CERS6: variants seen among roughly 807,000 people sequenced by gnomAD.
CERS6 encodes ceramide synthase 6.
In CERS6, 26 loss-of-function variants were observed where a neutral mutation model predicts 56.8. That is an observed-to-expected ratio of 0.46 (90% CI 0.34 to 0.63). The LOEUF is 0.63. CERS6 is among the 30% of genes least tolerant of loss of function. The probability of loss-of-function intolerance (pLI) is 0.01; values close to 1 mark genes in which losing one functional copy is unlikely to be tolerated. For synonymous variants in CERS6, 164 were observed against 173.3 expected (o/e 0.95, Z 0.42); for missense variants, 415 against 467.5 (o/e 0.89, Z 1.04).
intron 3 of CERS6, among the ~76,000 whole-genome samples, chr2:168,587,889 G>T (rs954556468): frequency 6.6e-6 from 1 of 151,706 alleles, no homozygotes; most frequent in Non-Finnish European, 1.5e-5. Flanking sequence ...AATTTATTGC[G>T]CTCCTGCTCT....
intron 3 of CERS6, among the ~76,000 whole-genome samples, chr2:168,599,921 A>G (rs978066130): frequency 1.7e-4 from 26 of 152,224 alleles, no homozygotes; most frequent in Non-Finnish European, 3.2e-4. Context: ...ATGGCCTTTG[A>G]TGTCAGAATC....
intron 3 of CERS6, among the ~76,000 whole-genome samples, chr2:168,587,447 G>T (rs546637682): frequency 7.9e-5 from 12 of 152,198 alleles, no homozygotes; most frequent in Non-Finnish European, 1.8e-4. Context: ...TCAGGAGCCA[G>T]AGATGGAGTT....
At chr2:168,610,140 G>A (rs918681295) in intron 3 of CERS6, among the ~76,000 whole-genome samples, 2 of 151,960 alleles carry the variant, frequency 1.3e-5, no homozygotes, top group Non-Finnish European at 2.9e-5. Context: ...ACCACGCCTG[G>A]TTAATTTTTT....
intron 1 of CERS6, among the ~76,000 whole-genome samples, chr2:168,535,344 C>G (rs1347672160): frequency 6.6e-6 from 1 of 152,206 alleles, no homozygotes; most frequent in Non-Finnish European, 1.5e-5. Flanking sequence ...AATGCGTTCA[C>G]GAGTGGGATC....
intron 2 of CERS6, among the ~76,000 whole-genome samples, chr2:168,552,685 G>A (rs1009385547): frequency 6.6e-6 from 1 of 152,126 alleles, no homozygotes; most frequent in Admixed American, 6.5e-5. Context: ...CAAGAGTGGA[G>A]GAGGGACACA....
At chr2:168,489,488 T>C (rs922618845) in intron 1 of CERS6, among the ~76,000 whole-genome samples, 7 of 149,334 alleles carry the variant, frequency 4.7e-5, no homozygotes, top group Non-Finnish European at 8.9e-5. Context: ...TTTTTTTTTT[T>C]CTGGAAAACC....
chr2:168,721,040 A>G (rs1023140738), intron 8 of CERS6, among the ~76,000 whole-genome samples: 5 of 152,324 alleles, frequency 3.3e-5, no homozygotes, highest in African/African-American at 7.2e-5. Context: ...TCATAGCGCA[A>G]TGCATTCATT....
At chr2:168,667,409 C>T (rs1685790309) in intron 4 of CERS6, among the ~76,000 whole-genome samples, 1 of 152,180 alleles carries the variant, frequency 6.6e-6, no homozygotes, top group Admixed American at 6.5e-5. Context: ...GCCTCTTGAG[C>T]CTTCTTCCAT....
At chr2:168,522,290 A>G (rs1465526485) in intron 1 of CERS6, among the ~76,000 whole-genome samples, 1 of 152,206 alleles carries the variant, frequency 6.6e-6, no homozygotes, top group Non-Finnish European at 1.5e-5. Flanking sequence ...GCAGGTTTTT[A>G]TGTGGTTTCT....
At chr2:168,588,349 A>G (rs1180877345) in intron 3 of CERS6, among the ~76,000 whole-genome samples, 3 of 152,006 alleles carry the variant, frequency 2.0e-5, no homozygotes, top group African/African-American at 4.8e-5. Flanking sequence ...ACCACCATCC[A>G]TCTCTAGAAC....
Position 168,593,526 on chromosome 2 carries a change from G to GTGTTTTGTTT in CERS6, c.407+32225_407+32234dup, listed in dbSNP as rs148109520. Among the ~76,000 whole-genome samples, 528 of 151,718 alleles carry GTGTTTTGTTT rather than the reference G, an allele frequency of 3.5e-3. 5 individuals are homozygous for GTGTTTTGTTT. Among genetic ancestry groups the GTGTTTTGTTT allele is most frequent in the African/African-American group, 0.012 (505 of 41,190 alleles). ...CTCTTTCCAACTTTTGAGTTTCTGTGTGTTTTGTTTTGTTTTGTTTTGTTT... is the reference window on the plus strand; with the variant it reads ...CTCTTTCCAACTTTTGAGTTTCTGTGTGTTTTGTTTTGTTTTGTTTTGTTTTGTTTTGTTT... On this transcript the variant is annotated intron_variant, in intron 3 of 9. Coordinates refer to ENST00000305747, the MANE Select transcript of CERS6 (RefSeq NM_203463.3).
chr2:168,558,173 T>C (rs1238491796), intron 2 of CERS6, among the ~76,000 whole-genome samples: 12 of 152,194 alleles, frequency 7.9e-5, no homozygotes, highest in Admixed American at 7.9e-4. Context: ...TGAGTATAAA[T>C]TGGTAAAATC....
chr2:168,475,371 G>T (rs751326969), intron 1 of CERS6, among the ~76,000 whole-genome samples: 27 of 152,016 alleles, frequency 1.8e-4, no homozygotes, highest in Non-Finnish European at 3.1e-4. Flanking sequence ...TCTTTAAAAA[G>T]CCATCCTAGA....
chr2:168,618,587 C>T (rs566468035), intron 3 of CERS6, among the ~76,000 whole-genome samples: 4 of 152,210 alleles, frequency 2.6e-5, no homozygotes, highest in South Asian at 2.1e-4. Flanking sequence ...ACACCAACAG[C>T]GACCAAGTGG....
intron 8 of CERS6, among the ~76,000 whole-genome samples, chr2:168,720,905 C>T (rs1687348079): frequency 6.6e-6 from 1 of 152,128 alleles, no homozygotes; most frequent in African/African-American, 2.4e-5. Context: ...TCACCATAAG[C>T]AAATTGTAGC....
rs1684885003 is a variant in CERS6 at position 168,772,327 on chromosome 2, T to C, written c.*2665T>C. The C allele has an allele frequency of 6.6e-6, 1 of 152,630 alleles. No homozygotes were observed. Among genetic ancestry groups the C allele is most frequent in the Non-Finnish European group, 1.5e-5 (1 of 68,036 alleles). 9.5% of individuals were successfully genotyped at this position (152,630 alleles called of 1,614,324 possible). On this transcript the variant is annotated 3_prime_UTR_variant, in exon 10 of 10. Transcript: ENST00000305747. The stretch of plus-strand genomic sequence containing the variant: ...CTTTATTCTCTAATGTTAATAGCTT[T>C]TCTGGATCTCTTAGTAGGGGGAAAG...
In CERS6 at chr2:168,691,069, C is replaced by T. The variant is rs774574293; in HGVS notation, c.501C>T (p.Tyr167=). The T allele has an allele frequency of 4.3e-6, 7 of 1,613,180 alleles. No individual in the cohort carries two copies. The East Asian group carries it at 1.3e-4, about 31-fold the overall frequency. Residue 167 remains tyrosine (Y), a synonymous_variant, in exon 5 of 10, where the codon TAC becomes TAT. Transcript: ENST00000305747. ...TGTGGAATACGAGGCATTGCTGGTA[C>T]AACTACCCCTATCAGGTAAGGAGGC... is the stretch of plus-strand genomic sequence containing the variant. ...PWLWNTRHCW[Y]NYPYQPLTTD... is the part of the protein sequence containing the mutation.
intron 3 of CERS6, among the ~76,000 whole-genome samples, chr2:168,581,356 C>T (rs994200471): frequency 5.3e-5 from 8 of 152,098 alleles, no homozygotes; most frequent in African/African-American, 1.9e-4. Context: ...AATTCTCAGT[C>T]ATTACTTCTT....
chr2:168,678,163 A>G (rs993445814), intron 4 of CERS6, among the ~76,000 whole-genome samples: 8 of 152,226 alleles, frequency 5.3e-5, no homozygotes, highest in African/African-American at 1.9e-4. Context: ...TACCATCAGT[A>G]CAAATATCAA....
Sources: allele counts gnomAD v4.1 joint callset (sites outside exome capture counted in the v4.1 genomes callset), GRCh38; gene constraint gnomAD v4.1.1; transcripts MANE v1.5; gene names NCBI Gene and HGNC (gene_info 2026-07-23, HGNC 2026-07-21).